CMSS1: variants seen among roughly 807,000 people sequenced by gnomAD.
The protein encoded by CMSS1 is protein CMSS1.
In CMSS1, 33 loss-of-function variants were observed where a neutral mutation model predicts 43.5. That is an observed-to-expected ratio of 0.76 (90% CI 0.57 to 1.01). The LOEUF (loss-of-function observed/expected upper bound fraction) is 1.01. CMSS1 is among the 50% of genes least tolerant of loss of function. The pLI is 0.00. For synonymous variants in CMSS1, 115 were observed against 117.2 expected, an observed-to-expected ratio of 0.98 and a Z score of 0.12; for missense variants, 313 against 326.4, an observed-to-expected ratio of 0.96 and a Z score of 0.32.
At chr3:99,871,410 G>A (rs1048433999) in intron 1 of CMSS1, among the ~76,000 whole-genome samples, 9 of 152,176 alleles carry the variant, frequency 5.9e-5, no homozygotes, top group Admixed American at 3.9e-4. Context: ...ATTGTACCTC[G>A]GTACTTTCCT....
At chr3:99,885,957 C>T (rs892395578) in intron 1 of CMSS1, among the ~76,000 whole-genome samples, 3 of 152,204 alleles carry the variant, frequency 2.0e-5, no homozygotes, top group Non-Finnish European at 2.9e-5. Flanking sequence ...ACTAGTAGCA[C>T]TCTTTGTGCA....
At chr3:100,124,711 G>C (rs114103125) in intron 1 of CMSS1, among the ~76,000 whole-genome samples, 1 of 152,186 alleles carries the variant, frequency 6.6e-6, no homozygotes, top group Non-Finnish European at 1.5e-5. Flanking sequence ...ACCTGGGCCC[G>C]TGTGAGAAAG....
intron 2 of CMSS1, among the ~76,000 whole-genome samples, chr3:100,158,881 C>T (rs1037928814): frequency 3.3e-5 from 5 of 152,314 alleles, no homozygotes; most frequent in East Asian, 1.9e-4. Context: ...ACATATTCCT[C>T]GAGAACACCT....
At chr3:100,048,165 A>G (rs1383887507) in intron 1 of CMSS1, among the ~76,000 whole-genome samples, 2 of 152,244 alleles carry the variant, frequency 1.3e-5, no homozygotes, top group African/African-American at 4.8e-5. Context: ...CCAGGTCCCA[A>G]GCTCTGCTGA....
chr3:100,029,443 C>T (rs957732909), intron 1 of CMSS1, among the ~76,000 whole-genome samples: 29 of 152,118 alleles, frequency 1.9e-4, no homozygotes, highest in African/African-American at 6.0e-4. Flanking sequence ...ATTCATTTTA[C>T]TGTTGCATTT....
intron 1 of CMSS1, among the ~76,000 whole-genome samples, chr3:99,912,064 A>G (rs1706807081): frequency 6.6e-6 from 1 of 152,234 alleles, no homozygotes; most frequent in Non-Finnish European, 1.5e-5. Context: ...CTCATGAGAA[A>G]TCTACATTAT....
intron 1 of CMSS1, among the ~76,000 whole-genome samples, chr3:99,928,262 AC>A (rs1287157509): frequency 1.3e-5 from 2 of 152,182 alleles, no homozygotes; most frequent in Non-Finnish European, 2.9e-5. Context: ...CTCACCTAGT[AC>A]TTCCTAGACC....
At chr3:99,983,462 GTGTA>G (rs1221999592) in intron 1 of CMSS1, among the ~76,000 whole-genome samples, 851 of 11,678 alleles carry the variant, frequency 0.073, 14 homozygotes, top group South Asian at 0.15. Context: ...ATATATATGT[GTGTA>G]TATATATATA....
At chr3:100,120,753 C>T (rs1413324016) in intron 1 of CMSS1, among the ~76,000 whole-genome samples, 5 of 104,484 alleles carry the variant, frequency 4.8e-5, no homozygotes, top group Non-Finnish European at 9.3e-5. Context: ...AGGTGGAGGT[C>T]AGGGAGGCTT....
chr3:100,055,328 AT>A (rs1432478941), intron 1 of CMSS1, among the ~76,000 whole-genome samples: 3 of 152,182 alleles, frequency 2.0e-5, no homozygotes, highest in Admixed American at 6.5e-5. Context: ...TATCCCCAAC[AT>A]CACTGGCACA....
intron 1 of CMSS1, among the ~76,000 whole-genome samples, chr3:100,108,367 A>G (rs915043535): frequency 6.6e-6 from 1 of 152,174 alleles, no homozygotes; most frequent in African/African-American, 2.4e-5. Context: ...TTGAGCACTT[A>G]TGTGTCACTA....
At chr3:100,167,465 C>CA (rs1464128565) in intron 5 of CMSS1, among the ~76,000 whole-genome samples, 1 of 152,112 alleles carries the variant, frequency 6.6e-6, no homozygotes, top group African/African-American at 2.4e-5. Context: ...ATTAAAATAT[C>CA]AAAAATGTAA....
chr3:99,874,729 T>C (rs1013733092), intron 1 of CMSS1, among the ~76,000 whole-genome samples: 122 of 152,240 alleles, frequency 8.0e-4, no homozygotes, highest in Non-Finnish European at 2.9e-4. Context: ...TATACAGATA[T>C]AACCCACATT....
chr3:99,946,993 G>T (rs1310341176), intron 1 of CMSS1, among the ~76,000 whole-genome samples: 1 of 151,902 alleles, frequency 6.6e-6, no homozygotes, highest in East Asian at 1.9e-4. Context: ...AAAAATTAGC[G>T]GGGCGTGGTG....
chr3:99,835,875 T>G (rs943495059), intron 1 of CMSS1, among the ~76,000 whole-genome samples: 1 of 152,088 alleles, frequency 6.6e-6, no homozygotes, highest in Admixed American at 6.5e-5. Flanking sequence ...ATGAGTAGGA[T>G]TTTAGTATGA....
intron 2 of CMSS1, among the ~76,000 whole-genome samples, chr3:100,159,442 A>G (rs2067004111): frequency 6.6e-6 from 1 of 152,234 alleles, no homozygotes; most frequent in African/African-American, 2.4e-5. Flanking sequence ...GCTTTCATAG[A>G]AAGATTCATC....
At chr3:100,057,949 G>A (rs1419355333) in intron 1 of CMSS1, among the ~76,000 whole-genome samples, 4 of 152,268 alleles carry the variant, frequency 2.6e-5, no homozygotes, top group South Asian at 2.1e-4. Context: ...TTTCGACATC[G>A]TGAGAGTCTG....
intron 1 of CMSS1, among the ~76,000 whole-genome samples, chr3:99,880,825 T>A (rs1196831968): frequency 6.6e-6 from 1 of 152,210 alleles, no homozygotes; most frequent in East Asian, 1.9e-4. Flanking sequence ...TCTTTTAGTC[T>A]TTTTCTAAGC....
At chr3:100,105,511 C>T (rs1357641095) in intron 1 of CMSS1, among the ~76,000 whole-genome samples, 1 of 152,106 alleles carries the variant, frequency 6.6e-6, no homozygotes. Context: ...CAGGAAGGTT[C>T]AGTAATCATT....
Sources: allele counts gnomAD v4.1 joint callset (sites outside exome capture counted in the v4.1 genomes callset), GRCh38; gene constraint gnomAD v4.1.1; transcripts MANE v1.5; gene names NCBI Gene and HGNC (gene_info 2026-07-23, HGNC 2026-07-21).